Variants in GRIP1 observed in about 807,000 individuals in gnomAD.
The protein encoded by GRIP1 is glutamate receptor interacting protein 1.
A neutral mutation model predicts 129.9 loss-of-function variants in GRIP1; 45 were observed. The observed-to-expected ratio is 0.35, with a 90% CI of 0.27 to 0.44. GRIP1 has a LOEUF of 0.44. GRIP1 is among the 20% of genes least tolerant of loss of function. The pLI is 1.00. For missense variants in GRIP1, 1,196 were observed against 1,396.8 expected (o/e 0.86, Z 2.29); for synonymous variants, 530 against 520.8 (o/e 1.02, Z -0.24).
intron 1 of GRIP1, among the ~76,000 whole-genome samples, chr12:66,785,416 A>ACAGGGGG (rs1283698844): frequency 6.8e-6 from 1 of 147,638 alleles, no homozygotes; most frequent in Non-Finnish European, 1.5e-5. Flanking sequence ...CGAGGCTGAC[A>ACAGGGGG]CAGGGGGATC....
chr12:67,044,176 T>C (rs1470457434), intron 1 of GRIP1, among the ~76,000 whole-genome samples: 2 of 152,210 alleles, frequency 1.3e-5, no homozygotes, highest in African/African-American at 2.4e-5. Context: ...TACCAGCTCA[T>C]TCCCAGGGGG....
At chr12:66,703,336 T>C (rs992162286) in intron 1 of GRIP1, among the ~76,000 whole-genome samples, 2 of 152,036 alleles carry the variant, frequency 1.3e-5, no homozygotes, top group African/African-American at 2.4e-5. Context: ...CTGAACTTCA[T>C]CCCAAAAGTC....
At chr12:66,800,570 CTAAA>C (rs1223937716) in intron 1 of GRIP1, among the ~76,000 whole-genome samples, 2 of 151,928 alleles carry the variant, frequency 1.3e-5, no homozygotes. Context: ...TCCGGTGTGG[CTAAA>C]TAAAAATACA....
At chr12:66,488,537 TAAC>T (rs2060017720) in intron 7 of GRIP1, among the ~76,000 whole-genome samples, 1 of 152,056 alleles carries the variant, frequency 6.6e-6, no homozygotes, top group Non-Finnish European at 1.5e-5. Flanking sequence ...GATCTCAAGT[TAAC>T]AACCTAACAT....
At position 66,392,810 on chromosome 12, in the gene GRIP1, G is replaced by A. The variant is rs758962836; in HGVS notation, c.2136C>T (p.Gly712=). The A allele has an allele frequency of 3.0e-5, 49 of 1,613,758 alleles. No individual in the cohort carries two copies. The highest frequency in any genetic ancestry group is 5.0e-5 in the Admixed American group (3 of 59,984). The change falls in exon 18 of 25, where the codon GGC becomes GGT. Residue 712 remains glycine (G), a synonymous_variant. Transcript: ENST00000359742. ...GGATTCGGTCTCCTATGTGGATTGC[G>A]CCAGTTCTGAAAAGCCAAATAGTAA... ...LTKGGLAERT[G]AIHIGDRILA... is the part of the protein sequence containing the mutation.
chr12:66,437,269 A>G (rs1303060882), intron 13 of GRIP1, among the ~76,000 whole-genome samples: 1 of 152,220 alleles, frequency 6.6e-6, no homozygotes, highest in Non-Finnish European at 1.5e-5. Context: ...GACTGGCTAG[A>G]AAGGATTTTT....
chr12:66,799,407 C>G (rs2038795096), intron 1 of GRIP1, among the ~76,000 whole-genome samples: 1 of 152,244 alleles, frequency 6.6e-6, no homozygotes, highest in Admixed American at 6.5e-5. Flanking sequence ...AAACTAAATA[C>G]AGCTAAGGCT....
chr12:66,792,947 G>A (rs897538507), intron 1 of GRIP1, among the ~76,000 whole-genome samples: 6 of 151,948 alleles, frequency 3.9e-5, no homozygotes, highest in South Asian at 2.1e-4. Flanking sequence ...CTCTCTTTGA[G>A]AAATATTTCC....
intron 1 of GRIP1, among the ~76,000 whole-genome samples, chr12:66,868,237 G>C (rs1435921811): frequency 2.0e-5 from 3 of 152,012 alleles, no homozygotes; most frequent in Admixed American, 6.6e-5. Flanking sequence ...ATAAAACAGA[G>C]AGTGACAGGG....
At chr12:66,399,782 A>T (rs1205610761) in intron 16 of GRIP1, among the ~76,000 whole-genome samples, 1 of 151,958 alleles carries the variant, frequency 6.6e-6, no homozygotes, top group Non-Finnish European at 1.5e-5. Context: ...TTTGGGAGAG[A>T]GCCTTTGGAA....
chr12:66,574,983 G>C (rs1476139678), intron 2 of GRIP1, among the ~76,000 whole-genome samples: 1 of 151,792 alleles, frequency 6.6e-6, no homozygotes, highest in Non-Finnish European at 1.5e-5. Flanking sequence ...TGTTGGCCAG[G>C]ATCATCCCGA....
intron 1 of GRIP1, among the ~76,000 whole-genome samples, chr12:67,043,564 T>G (rs1389701866): frequency 6.6e-6 from 1 of 152,128 alleles, no homozygotes; most frequent in Non-Finnish European, 1.5e-5. Flanking sequence ...GCAAAAGAGA[T>G]AATTAAGTGG....
intron 1 of GRIP1, among the ~76,000 whole-genome samples, chr12:66,796,410 A>G (rs1301167150): frequency 6.6e-6 from 1 of 152,100 alleles, no homozygotes. Context: ...TATTAGAATG[A>G]ATACACTTTT....
chr12:66,881,509 T>C (rs2040477851), intron 1 of GRIP1, among the ~76,000 whole-genome samples: 1 of 152,134 alleles, frequency 6.6e-6, no homozygotes, highest in Non-Finnish European at 1.5e-5. Context: ...TGAGACCTGG[T>C]AGGAATGGAT....
At chr12:66,358,797 A>C (rs2054611182) in intron 23 of GRIP1, among the ~76,000 whole-genome samples, 2 of 152,234 alleles carry the variant, frequency 1.3e-5, no homozygotes, top group South Asian at 4.1e-4. Context: ...TGCTTTCTCA[A>C]AGGGATGAAG....
At chr12:66,495,597 C>T (rs2060216306) in intron 7 of GRIP1, among the ~76,000 whole-genome samples, 1 of 152,028 alleles carries the variant, frequency 6.6e-6, no homozygotes, top group Non-Finnish European at 1.5e-5. Context: ...AATATTCCTG[C>T]CAAATAGTAC....
chr12:66,734,200 T>G (rs1000474572), intron 1 of GRIP1, among the ~76,000 whole-genome samples: 2 of 152,190 alleles, frequency 1.3e-5, no homozygotes, highest in African/African-American at 4.8e-5. Flanking sequence ...GTGTCAGCAA[T>G]TACTTTTTTA....
intron 1 of GRIP1, among the ~76,000 whole-genome samples, chr12:66,982,635 A>T (rs1187925351): frequency 3.3e-5 from 5 of 152,174 alleles, no homozygotes; most frequent in African/African-American, 4.8e-5. Context: ...TCAGTCCAAC[A>T]ACGCTTTAGA....
rs974737948 is a variant in GRIP1, at chr12:66,579,922, C to A, written c.136+16925G>T. On this transcript the variant is annotated intron_variant, in intron 2 of 24. Coordinates refer to ENST00000359742, the MANE Select transcript of GRIP1 (RefSeq NM_001366722.1). ...ATACAGAGAACACCACAAAGATACT[C>A]CTCGAGAAGAGCAACTCCAAGACAC... Among the ~76,000 whole-genome samples the A allele has an allele frequency of 1.8e-3, 271 of 148,740 alleles. 2 individuals are homozygous for A. The highest frequency in any genetic ancestry group is 6.4e-3 in the African/African-American group (256 of 40,294).
Sources: allele counts gnomAD v4.1 joint callset (sites outside exome capture counted in the v4.1 genomes callset), GRCh38; gene constraint gnomAD v4.1.1; transcripts MANE v1.5; gene names NCBI Gene and HGNC (gene_info 2026-07-23, HGNC 2026-07-21).